Variants in PTCHD4 observed in about 807,000 individuals in gnomAD.
PTCHD4 encodes the protein patched domain-containing protein 4.
In PTCHD4, 33 loss-of-function variants were observed where a neutral mutation model predicts 58.1. That is an observed-to-expected ratio of 0.57 (90% confidence interval 0.43 to 0.76). The LOEUF is 0.76. Among genes scored for constraint, PTCHD4 ranks in the 30% least tolerant of loss-of-function variants. The pLI, the probability that PTCHD4 is intolerant of heterozygous loss-of-function variation, is 0.00. For synonymous variants in PTCHD4, 478 were observed against 409.6 expected (o/e 1.17, Z -2.02); for missense variants, 1,058 against 1,027.1 (o/e 1.03, Z -0.41).
chr6:48,044,088 G>C (rs1763947995), intron 3 of PTCHD4, among the ~76,000 whole-genome samples: 1 of 151,738 alleles, frequency 6.6e-6, no homozygotes, highest in African/African-American at 2.4e-5. Flanking sequence ...GAGACTGGTG[G>C]GGGTTGTTGA....
chr6:47,969,815 T>C (rs1001106037), intron 4 of PTCHD4, among the ~76,000 whole-genome samples: 4 of 152,198 alleles, frequency 2.6e-5, no homozygotes, highest in African/African-American at 9.7e-5. Context: ...CAGTCTTTTT[T>C]CTTGAAATTT....
intron 1 of PTCHD4, among the ~76,000 whole-genome samples, chr6:48,086,530 A>G (rs1317292980): frequency 4.6e-5 from 7 of 151,832 alleles, no homozygotes; most frequent in South Asian, 4.1e-4. Context: ...CCTAATATAT[A>G]TCAATGAAAA....
chr6:47,946,071 T>C (rs987993427), intron 4 of PTCHD4, among the ~76,000 whole-genome samples: 2 of 152,176 alleles, frequency 1.3e-5, no homozygotes, highest in South Asian at 4.1e-4. Flanking sequence ...TTAGAGAATG[T>C]GGTAAATATG....
intron 4 of PTCHD4, among the ~76,000 whole-genome samples, chr6:47,941,008 C>A (rs549229275): frequency 1.3e-5 from 2 of 152,276 alleles, no homozygotes; most frequent in Admixed American, 6.5e-5. Flanking sequence ...CTTGGCCTGC[C>A]TACACAGCCA....
intron 3 of PTCHD4, among the ~76,000 whole-genome samples, chr6:48,031,483 A>C (rs902816388): frequency 3.3e-5 from 5 of 152,262 alleles, no homozygotes; most frequent in South Asian, 2.1e-4. Flanking sequence ...ACTTTCTTTA[A>C]CAAGTGTTAA....
intron 4 of PTCHD4, among the ~76,000 whole-genome samples, chr6:47,914,952 T>A (rs990679536): frequency 6.6e-6 from 1 of 152,076 alleles, no homozygotes; most frequent in Non-Finnish European, 1.5e-5. Context: ...TTCTTTCTTC[T>A]CTCCTCTTTC....
At chr6:47,890,885 C>G in intron 4 of PTCHD4, 1 of 984,682 alleles carries the variant, frequency 1.0e-6, no homozygotes, top group Non-Finnish European at 1.2e-6. Flanking sequence ...ATTTTTTTCT[C>G]TGTACCTTCC....
chr6:47,989,752 C>T lies in PTCHD4; in HGVS notation c.898+18882G>A, dbSNP rs566010442. Among the ~76,000 whole-genome samples, 12 of 152,236 alleles carry T rather than the reference C, an allele frequency of 7.9e-5. No individual in the cohort carries two copies. In the South Asian group the frequency reaches 1.7e-3, roughly 21 times the overall value. Reference sequence around the variant, plus strand: ...CCCAGGCAAAAGTTTGCTGCAGGGGCGAGGCCCTCATGGAGAGCCTCTGTT... The same window carrying T: ...CCCAGGCAAAAGTTTGCTGCAGGGGTGAGGCCCTCATGGAGAGCCTCTGTT... On this transcript the variant is annotated intron_variant, in intron 4 of 4. Coordinates refer to ENST00000339488, the MANE Select transcript of PTCHD4 (RefSeq NM_001384253.1).
At chr6:47,925,726 C>A (rs796243005) in intron 4 of PTCHD4, among the ~76,000 whole-genome samples, 3 of 152,286 alleles carry the variant, frequency 2.0e-5, no homozygotes, top group African/African-American at 7.2e-5. Context: ...CTTTGCTTCC[C>A]AATAAATTTG....
At chr6:47,976,477 AC>A (rs1767693765) in intron 4 of PTCHD4, among the ~76,000 whole-genome samples, 1 of 151,582 alleles carries the variant, frequency 6.6e-6, no homozygotes, top group African/African-American at 2.4e-5. Context: ...ACACGGTGAA[AC>A]CCCCATCTCT....
rs183530607 is a variant in PTCHD4, at chr6:47,861,654, A to C, written c.*16649T>G. Among the ~76,000 whole-genome samples the C allele has an allele frequency of 7.8e-4, 119 of 152,112 alleles. No individual in the cohort carries two copies. Among genetic ancestry groups the C allele is most frequent in the African/African-American group, 2.7e-3 (112 of 41,560 alleles). On this transcript the variant is annotated 3_prime_UTR_variant, in exon 5 of 5. Coordinates refer to ENST00000339488, the MANE Select transcript of PTCHD4 (RefSeq NM_001384253.1). ...TAACTAAGAATCTTGAACAATTTTTAGATTAATAGCAGGTTAATTAGGTTA... is the reference window on the plus strand; with the variant it reads ...TAACTAAGAATCTTGAACAATTTTTCGATTAATAGCAGGTTAATTAGGTTA...
chr6:47,971,211 A>G (rs1194446057), intron 4 of PTCHD4, among the ~76,000 whole-genome samples: 3 of 152,192 alleles, frequency 2.0e-5, no homozygotes, highest in Admixed American at 6.5e-5. Context: ...CATAAAAACT[A>G]TAATTGACAG....
intron 4 of PTCHD4, among the ~76,000 whole-genome samples, chr6:47,907,188 T>C (rs567625463): frequency 6.6e-6 from 1 of 152,320 alleles, no homozygotes; most frequent in African/African-American, 2.4e-5. Context: ...AGAAAACTTT[T>C]CTCAGTAGAA....
intron 1 of PTCHD4, among the ~76,000 whole-genome samples, chr6:48,083,520 A>G (rs1765204817): frequency 6.6e-6 from 1 of 152,194 alleles, no homozygotes; most frequent in South Asian, 2.1e-4. Context: ...ACTATGTTCT[A>G]TAACAAAAGG....
rs763628055 is a variant in PTCHD4, at chr6:47,967,632, A to G, written c.898+41002T>C. Among the ~76,000 whole-genome samples the G allele has an allele frequency of 2.0e-5, 3 of 152,220 alleles. 1 individual carries two copies. In the South Asian group the frequency reaches 6.2e-4, roughly 32 times the overall value. On this transcript the variant is annotated intron_variant, in intron 4 of 4. Coordinates refer to ENST00000339488, the MANE Select transcript of PTCHD4 (RefSeq NM_001384253.1). ...TTGTTTAGTGTAGCCACCTTGGTAC[A>G]TCATATTAGCCAGATTTTCTGGATA...
chr6:47,958,364 C>G (rs184415932), intron 4 of PTCHD4, among the ~76,000 whole-genome samples: 171 of 152,226 alleles, frequency 1.1e-3, no homozygotes, highest in Non-Finnish European at 1.2e-3. Flanking sequence ...CAAGACCACA[C>G]CTAAAACAAC....
At chr6:48,001,454 A>G (rs888345932) in intron 4 of PTCHD4, among the ~76,000 whole-genome samples, 5 of 152,214 alleles carry the variant, frequency 3.3e-5, no homozygotes, top group African/African-American at 4.8e-5. Context: ...AAATAATGCC[A>G]CATATCTACA....
rs1485689616 is a variant in PTCHD4, at chr6:47,870,050, C to A, written c.*8253G>T. 6.6e-6 allele frequency among the ~76,000 whole-genome samples: 1 copy of A among 151,604 alleles called. No homozygotes were observed. Among genetic ancestry groups the A allele is most frequent in the Non-Finnish European group, 1.5e-5 (1 of 67,732 alleles). On this transcript the variant is annotated 3_prime_UTR_variant, in exon 5 of 5. Transcript: ENST00000339488. ...TTGACCCTAAGAACTATAGAATATA[C>A]ACCTGTATAATTTATCACTACTTTA...
intron 4 of PTCHD4, among the ~76,000 whole-genome samples, chr6:47,986,004 A>T (rs949091118): frequency 6.6e-6 from 1 of 151,998 alleles, no homozygotes; most frequent in Non-Finnish European, 1.5e-5. Flanking sequence ...ATATTAATAC[A>T]ATATCATTAC....
Sources: allele counts gnomAD v4.1 joint callset (sites outside exome capture counted in the v4.1 genomes callset), GRCh38; gene constraint gnomAD v4.1.1; transcripts MANE v1.5; gene names NCBI Gene and HGNC (gene_info 2026-07-23, HGNC 2026-07-21).